TEX48: variants seen among roughly 807,000 people sequenced by gnomAD.
TEX48 encodes the protein testis-expressed protein 48.
In TEX48, 10 loss-of-function variants were observed where a neutral mutation model predicts 13.2. The observed-to-expected ratio is 0.75, with a 90% CI of 0.47 to 1.28. TEX48 has a LOEUF of 1.28. Ranked by LOEUF, TEX48 falls within the 50% of genes most tolerant of loss-of-function variation. The pLI is 0.00. For missense variants in TEX48, 116 were observed against 139.4 expected, an observed-to-expected ratio of 0.83 and a Z score of 0.84; for synonymous variants, 45 against 52.3, an observed-to-expected ratio of 0.86 and a Z score of 0.60.
rs1192364904 is a variant in TEX48, at chr9:114,668,236, T to G, written c.229A>C (p.Ser77Arg). ...AACTCACTGCTGCTGGAGGAAGTGCTCTTTTTTGTCTGGATCAGGGGTGTT... is the reference window on the plus strand; with the variant it reads ...AACTCACTGCTGCTGGAGGAAGTGCGCTTTTTTGTCTGGATCAGGGGTGTT... ...SRTPLIQTKK[S>R]TSSSSSEFED... The change falls in exon 4 of 5, where the codon AGC becomes CGC. Residue 77 changes from serine (S) to arginine (R), a missense_variant. Ser to Arg is a moderately radical substitution (Grantham distance 110). Coordinates refer to ENST00000436752, the MANE Select transcript of TEX48 (RefSeq NM_001199233.2). The G allele has an allele frequency of 2.0e-6, 3 of 1,535,680 alleles. No individual in the cohort carries two copies. In the South Asian group the frequency reaches 3.6e-5, roughly 18 times the overall value.
chr9:114,667,694 T>G (rs376122213), intron 4 of TEX48, among the ~76,000 whole-genome samples: 4 of 151,904 alleles, frequency 2.6e-5, no homozygotes, highest in African/African-American at 9.7e-5. Flanking sequence ...AGGTCAGGAG[T>G]TCGTGACCAG....
chr9:114,674,607 TTCCTTCC>T (rs1828020307), intron 1 of TEX48, among the ~76,000 whole-genome samples: 1 of 10,056 alleles, frequency 9.9e-5, no homozygotes, highest in Non-Finnish European at 3.0e-4. Context: ...TTTTCTTTCC[TTCCTTCC>T]TTCCTTCCTT....
At chr9:114,672,413 A>T (rs894677174) in intron 1 of TEX48, among the ~76,000 whole-genome samples, 3 of 152,120 alleles carry the variant, frequency 2.0e-5, no homozygotes, top group African/African-American at 7.2e-5. Context: ...AGATCCCTTT[A>T]TTTGTGTATC....
rs1200052556 is a variant in TEX48 at position 114,668,213 on chromosome 9, C to T, written c.252G>A (p.Glu84=). Residue 84 remains glutamate (E), a synonymous_variant, in exon 4 of 5, where the codon GAG becomes GAA. Coordinates refer to ENST00000436752, the MANE Select transcript of TEX48 (RefSeq NM_001199233.2). The stretch of plus-strand genomic sequence containing the variant: ...CCCCAATTTGGGACTCACCCTCAAA[C>T]TCACTGCTGCTGGAGGAAGTGCTCT... ...TKKSTSSSSS[E]FEDLNAYASQ... is the part of the protein sequence containing the mutation. 2 of 1,535,688 alleles carry T rather than the reference C, an allele frequency of 1.3e-6. No individual in the cohort carries two copies. The highest frequency in any genetic ancestry group is 4.9e-5 in the East Asian group (2 of 40,912).
intron 1 of TEX48, 68 bp from the exon 2 acceptor site, chr9:114,671,895 T>A (rs886346937): frequency 1.5e-6 from 1 of 689,134 alleles, no homozygotes; most frequent in Non-Finnish European, 2.5e-6. Flanking sequence ...CCAGATAGGA[T>A]CTAATGACAG....
chr9:114,675,593 C>T (rs934133349), intron 1 of TEX48, among the ~76,000 whole-genome samples: 2 of 152,232 alleles, frequency 1.3e-5, no homozygotes, highest in African/African-American at 4.8e-5. Context: ...CATCACTTCT[C>T]ACCTGGACCA....
At chr9:114,674,874 T>C (rs1470225454) in intron 1 of TEX48, among the ~76,000 whole-genome samples, 2 of 148,260 alleles carry the variant, frequency 1.3e-5, no homozygotes, top group Non-Finnish European at 3.0e-5. Flanking sequence ...AGAAGGGGTC[T>C]CACTGTATTG....
At chr9:114,673,271 G>A (rs1205219887) in intron 1 of TEX48, among the ~76,000 whole-genome samples, 1 of 151,954 alleles carries the variant, frequency 6.6e-6, no homozygotes, top group Non-Finnish European at 1.5e-5. Context: ...TCAGGAGTTC[G>A]AGACCAGCCT....
intron 1 of TEX48, among the ~76,000 whole-genome samples, chr9:114,673,232 G>C (rs1827980366): frequency 6.6e-6 from 1 of 152,062 alleles, no homozygotes; most frequent in African/African-American, 2.4e-5. Flanking sequence ...CAGCACTTTG[G>C]GAGGCCGAGG....
At chr9:114,680,448 C>A (rs752739225) in intron 1 of TEX48, among the ~76,000 whole-genome samples, 2 of 152,158 alleles carry the variant, frequency 1.3e-5, no homozygotes, top group African/African-American at 2.4e-5. Flanking sequence ...TGTCTTGCAT[C>A]ATTCAGGTTC....
At position 114,671,580 on chromosome 9, in the gene TEX48, G is replaced by C. The variant is rs557598825; in HGVS notation, c.5-75C>G. ...AGATGCCTATTGGAAATTGACTGTG[G>C]TGGGGGTATCATTGGGTCAGCCTCT... On this transcript the variant is annotated intron_variant, in intron 2 of 4. Coordinates refer to ENST00000436752, the MANE Select transcript of TEX48 (RefSeq NM_001199233.2). 27 of 1,529,330 alleles carry C rather than the reference G, an allele frequency of 1.8e-5. No homozygotes were observed. The East Asian group carries it at 6.4e-4, about 36-fold the overall frequency. The allele number at this position is 1,529,330 out of a possible 1,614,324, so 94.7% of individuals were successfully genotyped here.
chr9:114,678,823 C>G (rs1245071837), intron 1 of TEX48, among the ~76,000 whole-genome samples: 1 of 128,068 alleles, frequency 7.8e-6, no homozygotes, highest in Non-Finnish European at 1.6e-5. Context: ...GCCCAGGCAA[C>G]AGGAGATCCT....
Position 114,674,639 on chromosome 9 carries a change from TTCCTTCCTTCCTTCCTTCCTTCCTTCC to T in TEX48, c.-104-2839_-104-2813del, listed in dbSNP as rs1183382999. Among the ~76,000 whole-genome samples, 73 of 136,902 alleles carry T rather than the reference TTCCTTCCTTCCTTCCTTCCTTCCTTCC, an allele frequency of 5.3e-4. 2 individuals carry two copies. Among genetic ancestry groups the T allele is most frequent in the African/African-American group, 9.0e-4 (32 of 35,626 alleles). 89.8% of individuals were successfully genotyped at this position (136,902 alleles called of 152,430 possible). On this transcript the variant is annotated intron_variant, in intron 1 of 4. Transcript: ENST00000436752. Reference sequence around the variant, plus strand: ...CTTCCTTCCTTCCTTCCTTCCTTCCTTCCTTCCTTCCTTCCTTCCTTCCTTCCTTCTTTCCTTCTCTCTTGCTCTCAC... The same window carrying T: ...CTTCCTTCCTTCCTTCCTTCCTTCCTTTCTTTCCTTCTCTCTTGCTCTCAC...
intron 1 of TEX48, among the ~76,000 whole-genome samples, chr9:114,681,074 A>G (rs1828189924): frequency 6.6e-6 from 1 of 152,220 alleles, no homozygotes; most frequent in African/African-American, 2.4e-5. Context: ...CAGCTTATGG[A>G]TATACAAGAA....
At chr9:114,676,929 G>A (rs1364160220) in intron 1 of TEX48, among the ~76,000 whole-genome samples, 1 of 152,112 alleles carries the variant, frequency 6.6e-6, no homozygotes, top group African/African-American at 2.4e-5. Context: ...ATTCACTTTT[G>A]TATCCTCAGC....
At chr9:114,679,637 G>A (rs188202714) in intron 1 of TEX48, among the ~76,000 whole-genome samples, 1 of 152,300 alleles carries the variant, frequency 6.6e-6, no homozygotes, top group African/African-American at 2.4e-5. Context: ...TGTTCTGCAT[G>A]ATGAATACTT....
At position 114,671,816 on chromosome 9, in the gene TEX48, C is replaced by T; in HGVS notation, c.-93G>A. ...TTGAGTTTGAGCCCAGTTCACTGGG[C>T]TGGGCTGTTTCCTAAGTAAACATAA... On this transcript the variant is annotated 5_prime_UTR_variant, in exon 2 of 5. Coordinates refer to ENST00000436752, the MANE Select transcript of TEX48 (RefSeq NM_001199233.2). 1.4e-6 allele frequency: 2 copies of T among 1,409,088 alleles called. No homozygotes were observed. The highest frequency in any genetic ancestry group is 1.9e-6 in the Non-Finnish European group (2 of 1,032,132). The allele number at this position is 1,409,088 out of a possible 1,614,324, so 87.3% of individuals were successfully genotyped here. A position where few individuals can be genotyped will look rare whatever the true frequency, so the allele number is the denominator to read the frequency against.
In TEX48 at chr9:114,666,714, A is replaced by G; in HGVS notation, c.292T>C (p.Tyr98His). The G allele has an allele frequency of 6.5e-7, 1 of 1,534,954 alleles. No individual in the cohort carries two copies. The highest frequency in any genetic ancestry group is 8.7e-7 in the Non-Finnish European group (1 of 1,146,292). Residue 98 changes from tyrosine (Y) to histidine (H), a missense_variant, in exon 5 of 5, where the codon TAC (tyrosine) becomes CAC (histidine). Physicochemically the swap from Tyr to His is moderately conservative, Grantham distance 83. Transcript: ENST00000436752. ...CAGTAGCGGTTTAAGTTTCTCTTGT[A>G]AAAATTTCTTTGGGAAGCATATGCA... ...LNAYASQRNF[Y>H]KRNLNRYCQE...
chr9:114,676,437 T>C (rs1295306451), intron 1 of TEX48, among the ~76,000 whole-genome samples: 1 of 152,142 alleles, frequency 6.6e-6, no homozygotes, highest in Non-Finnish European at 1.5e-5. Flanking sequence ...CCAAAAGTGC[T>C]GGGTTATAGG....
Sources: allele counts gnomAD v4.1 joint callset (sites outside exome capture counted in the v4.1 genomes callset), GRCh38; gene constraint gnomAD v4.1.1; transcripts MANE v1.5; gene names NCBI Gene and HGNC (gene_info 2026-07-23, HGNC 2026-07-21).